The following PCSK2 variants were observed in gnomAD, a reference collection of about 807,000 sequenced individuals.
PCSK2 encodes the protein proprotein convertase subtilisin/kexin type 2, also known as neuroendocrine convertase 2.
In PCSK2, 14 loss-of-function variants were observed where a neutral mutation model predicts 69.7. That is an observed-to-expected ratio of 0.20 (90% confidence interval 0.13 to 0.31). The LOEUF (loss-of-function observed/expected upper bound fraction) is 0.31, where lower values mean the gene tolerates loss of function less well. Ranked by LOEUF, PCSK2 falls within the 10% of genes least tolerant of loss-of-function variation. The pLI is 1.00. For synonymous variants in PCSK2, 307 were observed against 320.7 expected (o/e 0.96, Z 0.46); for missense variants, 544 against 842.5 (o/e 0.65, Z 4.39).
At chr20:17,362,080 C>T (rs148158893) in intron 4 of PCSK2, among the ~76,000 whole-genome samples, 81 of 152,344 alleles carry the variant, frequency 5.3e-4, no homozygotes, top group African/African-American at 1.9e-3. Flanking sequence ...ATGTGCATTG[C>T]TCTGCTCTTA....
At chr20:17,228,242 A>C (rs1986007576) in intron 1 of PCSK2, 1 of 152,336 alleles carries the variant, frequency 6.6e-6, no homozygotes, top group African/African-American at 2.4e-5. Context: ...TGGCTTTCCC[A>C]CTAGAGCGTG....
intron 2 of PCSK2, among the ~76,000 whole-genome samples, chr20:17,348,050 G>A (rs8121306): frequency 0.035 from 3,024 of 86,874 alleles, 177 homozygotes; most frequent in African/African-American, 0.061. Context: ...AAGAAAGAAA[G>A]GAAAGAAAGA....
intron 5 of PCSK2, among the ~76,000 whole-genome samples, chr20:17,400,618 G>A (rs889822240): frequency 6.6e-6 from 1 of 152,060 alleles, no homozygotes; most frequent in African/African-American, 2.4e-5. Context: ...ATTACAAAAT[G>A]TAATTAAAAC....
rs575840318 is a variant in PCSK2 at position 17,292,015 on chromosome 20, C to T, written c.282+31671C>T. Among the ~76,000 whole-genome samples, 7 of 152,264 alleles carry T rather than the reference C, an allele frequency of 4.6e-5. No individual in the cohort carries two copies. In the East Asian group the frequency reaches 9.7e-4, roughly 21 times the overall value. ...AAATATCATTGCCCACACCTTTTGGCAAGAAATATTGGGAAGTATAATTTT... is the reference window on the plus strand; with the variant it reads ...AAATATCATTGCCCACACCTTTTGGTAAGAAATATTGGGAAGTATAATTTT... On this transcript the variant is annotated intron_variant, in intron 2 of 11. Transcript: ENST00000262545.
chr20:17,477,334 T>C (rs1020900095), intron 11 of PCSK2, among the ~76,000 whole-genome samples: 1 of 150,222 alleles, frequency 6.7e-6, no homozygotes, highest in Admixed American at 6.6e-5. Context: ...TTTTATTTTA[T>C]TTATTTATTT....
intron 2 of PCSK2, among the ~76,000 whole-genome samples, chr20:17,265,753 T>A (rs1174318824): frequency 6.6e-6 from 1 of 152,174 alleles, no homozygotes; most frequent in Non-Finnish European, 1.5e-5. Context: ...ATTCCATAAT[T>A]TTCCCTGCTC....
chr20:17,227,965 A>G (rs903581354), intron 1 of PCSK2, among the ~76,000 whole-genome samples: 3 of 152,114 alleles, frequency 2.0e-5, no homozygotes, highest in Admixed American at 1.3e-4. Context: ...CCGCGCCGGG[A>G]GGACTTCCCT....
chr20:17,248,374 C>T (rs932319078), intron 1 of PCSK2, among the ~76,000 whole-genome samples: 3 of 152,166 alleles, frequency 2.0e-5, no homozygotes, highest in South Asian at 2.1e-4. Context: ...AGGAATGCAT[C>T]GATCAGCCTT....
intron 5 of PCSK2, among the ~76,000 whole-genome samples, chr20:17,398,209 T>C (rs2031556851): frequency 1.3e-5 from 2 of 152,086 alleles, no homozygotes; most frequent in South Asian, 4.2e-4. Context: ...AAGGCAAACC[T>C]GCCACCCATT....
At chr20:17,279,171 T>A (rs73249827) in intron 2 of PCSK2, among the ~76,000 whole-genome samples, 23,824 of 152,172 alleles carry the variant, frequency 0.16, 1,975 homozygotes, top group Middle Eastern at 0.2. Context: ...CGCATTCCGA[T>A]GCAGAATGTC....
chr20:17,450,089 G>A (rs2032793114), intron 8 of PCSK2, among the ~76,000 whole-genome samples: 1 of 123,776 alleles, frequency 8.1e-6, no homozygotes, highest in Admixed American at 1.0e-4. Flanking sequence ...GTGCAGTGGC[G>A]CGATCTCGGC....
At chr20:17,302,717 T>G (rs867328538) in intron 2 of PCSK2, among the ~76,000 whole-genome samples, 1 of 152,174 alleles carries the variant, frequency 6.6e-6, no homozygotes, top group South Asian at 2.1e-4. Context: ...GTGCTGTGAA[T>G]GAGATTTGTT....
chr20:17,259,055 G>A (rs1337202834), intron 1 of PCSK2, among the ~76,000 whole-genome samples: 3 of 151,802 alleles, frequency 2.0e-5, no homozygotes, highest in Non-Finnish European at 2.9e-5. Flanking sequence ...GCCACACTGA[G>A]GTTCTATGTG....
In PCSK2 at chr20:17,474,908, A is replaced by G. The variant is rs1267622261; in HGVS notation, c.1431-6676A>G. Reference sequence around the variant, plus strand: ...ACCAACGATGACATAAATATAGTCAATAGTCCTCAGACACTGTGCAGAGGG... The same window carrying G: ...ACCAACGATGACATAAATATAGTCAGTAGTCCTCAGACACTGTGCAGAGGG... On this transcript the variant is annotated intron_variant, in intron 11 of 11. Transcript: ENST00000262545. Among the ~76,000 whole-genome samples, 8 of 152,304 alleles carry G rather than the reference A, an allele frequency of 5.3e-5. No individual in the cohort carries two copies. In the East Asian group the frequency reaches 1.2e-3, roughly 22 times the overall value.
intron 1 of PCSK2, among the ~76,000 whole-genome samples, chr20:17,255,139 T>A (rs1033145279): frequency 4.6e-5 from 7 of 152,232 alleles, no homozygotes; most frequent in African/African-American, 1.7e-4. Context: ...TTCTTTCCAA[T>A]CTTGATGCCT....
At chr20:17,422,597 G>C (rs986110640) in intron 6 of PCSK2, among the ~76,000 whole-genome samples, 2 of 151,580 alleles carry the variant, frequency 1.3e-5, no homozygotes, top group African/African-American at 4.9e-5. Flanking sequence ...GGCCAAAATA[G>C]AAGAAGACAA....
chr20:17,377,323 T>A (rs1464451839), intron 5 of PCSK2, among the ~76,000 whole-genome samples: 2 of 152,236 alleles, frequency 1.3e-5, no homozygotes, highest in Non-Finnish European at 2.9e-5. Context: ...TTCCTGCACT[T>A]TTCCATTCTT....
chr20:17,248,810 A>C (rs906118629), intron 1 of PCSK2, among the ~76,000 whole-genome samples: 1 of 152,180 alleles, frequency 6.6e-6, no homozygotes, highest in African/African-American at 2.4e-5. Flanking sequence ...ACTCATCTCC[A>C]TCAGGAATTC....
chr20:17,353,198 C>T (rs920455507), intron 2 of PCSK2, among the ~76,000 whole-genome samples: 4 of 152,174 alleles, frequency 2.6e-5, no homozygotes, highest in East Asian at 1.9e-4. Context: ...TGCGGTGGCT[C>T]ATGCCTGTAA....
Sources: gnomAD v4.1 joint callset for allele counts (sites outside exome capture counted in the v4.1 genomes callset) on GRCh38, gnomAD v4.1.1 for gene constraint, MANE v1.5 for transcripts, NCBI Gene and HGNC (gene_info 2026-07-23, HGNC 2026-07-21) for gene names.